FAT3: variants seen among roughly 807,000 people sequenced by gnomAD.
FAT3 encodes the protein protocadherin Fat 3.
Under a neutral mutation model 310.2 loss-of-function variants are expected in FAT3, and 95 were observed. That is an observed-to-expected ratio of 0.31 (90% confidence interval 0.26 to 0.36). The LOEUF (loss-of-function observed/expected upper bound fraction) is 0.36, where lower values mean the gene tolerates loss of function less well. Among genes scored for constraint, FAT3 ranks in the 10% least tolerant of loss-of-function variants. The pLI, the probability that FAT3 is intolerant of heterozygous loss-of-function variation, is 1.00. For missense variants in FAT3, 5,408 were observed against 5,715.6 expected (o/e 0.95, Z 1.74); for synonymous variants, 2,314 against 2,192.9 (o/e 1.06, Z -1.54).
At chr11:92,402,102 A>C (rs187065086) in intron 2 of FAT3, among the ~76,000 whole-genome samples, 1 of 152,216 alleles carries the variant, frequency 6.6e-6, no homozygotes, top group Admixed American at 6.5e-5. Context: ...AGTATACAAC[A>C]TGCAAGCCTA....
chr11:92,415,466 G>T (rs967079772), intron 2 of FAT3, among the ~76,000 whole-genome samples: 1 of 152,180 alleles, frequency 6.6e-6, no homozygotes, highest in African/African-American at 2.4e-5. Flanking sequence ...CTGTCCTCCT[G>T]CATCACTGGA....
At chr11:92,570,151 T>A (rs933193454) in intron 3 of FAT3, among the ~76,000 whole-genome samples, 1 of 152,144 alleles carries the variant, frequency 6.6e-6, no homozygotes, top group Non-Finnish European at 1.5e-5. Flanking sequence ...AATTGGCAAG[T>A]ATGGAAAACT....
intron 2 of FAT3, among the ~76,000 whole-genome samples, chr11:92,420,005 A>T (rs1950503287): frequency 6.6e-6 from 1 of 152,202 alleles, no homozygotes; most frequent in African/African-American, 2.4e-5. Context: ...GAGTCCGTTT[A>T]GATTTTATGC....
intron 1 of FAT3, among the ~76,000 whole-genome samples, chr11:92,248,732 CTT>C (rs1341825343): frequency 6.7e-6 from 1 of 149,872 alleles, no homozygotes; most frequent in Non-Finnish European, 1.5e-5. Flanking sequence ...GATTTCAAAA[CTT>C]AATATATCAA....
intron 4 of FAT3, among the ~76,000 whole-genome samples, chr11:92,701,755 T>C (rs1246424979): frequency 1.3e-5 from 2 of 152,180 alleles, no homozygotes; most frequent in Non-Finnish European, 2.9e-5. Context: ...CGTTTTAGTT[T>C]TTTGGTTGTG....
chr11:92,388,084 G>A (rs1459711827), intron 2 of FAT3, among the ~76,000 whole-genome samples: 1 of 152,164 alleles, frequency 6.6e-6, no homozygotes, highest in East Asian at 1.9e-4. Flanking sequence ...GAGAAAAGTA[G>A]ATTAGCACTG....
At chr11:92,253,104 C>T (rs1375958509) in intron 1 of FAT3, among the ~76,000 whole-genome samples, 4 of 152,054 alleles carry the variant, frequency 2.6e-5, no homozygotes, top group Non-Finnish European at 5.9e-5. Flanking sequence ...GAATCAGGCA[C>T]TGTTTTGCAG....
intron 2 of FAT3, among the ~76,000 whole-genome samples, chr11:92,398,752 G>A (rs1245679762): frequency 6.6e-6 from 1 of 152,098 alleles, no homozygotes; most frequent in African/African-American, 2.4e-5. Context: ...TTCATGTTCT[G>A]TTCTGTTCTA....
At chr11:92,575,561 C>G (rs941862606) in intron 3 of FAT3, among the ~76,000 whole-genome samples, 11 of 152,262 alleles carry the variant, frequency 7.2e-5, no homozygotes, top group Admixed American at 3.9e-4. Flanking sequence ...CACCCTTTGA[C>G]AATGTTAACA....
At chr11:92,304,471 A>G (rs1339352689) in intron 1 of FAT3, among the ~76,000 whole-genome samples, 5 of 152,044 alleles carry the variant, frequency 3.3e-5, no homozygotes, top group Non-Finnish European at 7.4e-5. Flanking sequence ...TCTCCTCTGG[A>G]ATGAATACTC....
intron 1 of FAT3, among the ~76,000 whole-genome samples, chr11:92,343,310 G>T (rs544113222): frequency 2.4e-5 from 3 of 127,542 alleles, no homozygotes; most frequent in Non-Finnish European, 4.6e-5. Context: ...CCAGCTGAAG[G>T]CTTTGGTTAG....
In FAT3 at chr11:92,799,874, C is replaced by T. The variant is rs760100485; in HGVS notation, c.6861C>T (p.Phe2287=). ...ATGTAAATGACAACCCCCCTATTTT[C>T]GATCAGCCTACATACAATACAACAC... ...VNDVNDNPPI[F]DQPTYNTTLS... The change falls in exon 10 of 28, where the codon TTC becomes TTT. Residue 2287 remains phenylalanine (F), a synonymous_variant. Transcript: ENST00000525166. 8.4e-5 allele frequency: 136 copies of T among 1,612,892 alleles called. No individual in the cohort carries two copies. Among genetic ancestry groups the T allele is most frequent in the Admixed American group, 3.0e-4 (18 of 59,852 alleles).
At chr11:92,599,533 A>G (rs149727559) in intron 3 of FAT3, among the ~76,000 whole-genome samples, 11 of 152,292 alleles carry the variant, frequency 7.2e-5, no homozygotes, top group African/African-American at 2.4e-4. Flanking sequence ...CATATCAGAA[A>G]TTGTCTCACA....
At position 92,489,787 on chromosome 11, in the gene FAT3, A is replaced by G. The variant is rs190391201; in HGVS notation, c.3293-34847A>G. Among the ~76,000 whole-genome samples the G allele has an allele frequency of 1.7e-3, 258 of 152,226 alleles. 1 individual carries two copies. Among genetic ancestry groups the G allele is most frequent in the African/African-American group, 6.0e-3 (248 of 41,546 alleles). On this transcript the variant is annotated intron_variant, in intron 2 of 27. Coordinates refer to ENST00000525166, the MANE Select transcript of FAT3 (RefSeq NM_001367949.2). ...TGTCGGGCTGGACGGAGTAGGGGAA[A>G]ATACATTATGACACAGCTCTCTGCA... is the stretch of plus-strand genomic sequence containing the variant.
At chr11:92,818,252 G>C (rs937181505) in intron 13 of FAT3, among the ~76,000 whole-genome samples, 1 of 152,022 alleles carries the variant, frequency 6.6e-6, no homozygotes, top group African/African-American at 2.4e-5. Flanking sequence ...CAGTCTATAA[G>C]GGACTTTACT....
intron 1 of FAT3, among the ~76,000 whole-genome samples, chr11:92,263,982 A>G (rs983443400): frequency 1.3e-5 from 2 of 152,234 alleles, no homozygotes; most frequent in East Asian, 3.9e-4. Context: ...GATAATCATT[A>G]TGCCCATTTT....
chr11:92,230,401 C>G (rs1042876155), intron 1 of FAT3, among the ~76,000 whole-genome samples: 10 of 152,082 alleles, frequency 6.6e-5, no homozygotes, highest in African/African-American at 1.7e-4. Context: ...TCAAGTGATT[C>G]TCATGCCTCA....
At chr11:92,759,166 G>T (rs573527076) in intron 4 of FAT3, among the ~76,000 whole-genome samples, 2 of 152,144 alleles carry the variant, frequency 1.3e-5, no homozygotes, top group Non-Finnish European at 2.9e-5. Context: ...TGTTGTTAAG[G>T]CCCTTGAACC....
chr11:92,769,379 C>G (rs1385156866), intron 6 of FAT3, among the ~76,000 whole-genome samples: 1 of 152,210 alleles, frequency 6.6e-6, no homozygotes, highest in Non-Finnish European at 1.5e-5. Context: ...ACCCATAATC[C>G]TTTGTGGCTT....
Sources: allele counts gnomAD v4.1 joint callset (sites outside exome capture counted in the v4.1 genomes callset), GRCh38; gene constraint gnomAD v4.1.1; transcripts MANE v1.5; gene names NCBI Gene and HGNC (gene_info 2026-07-23, HGNC 2026-07-21).